The following USH2A variants were observed in gnomAD, a reference collection of about 807,000 sequenced individuals.
The protein encoded by USH2A is Usher syndrome 2A (autosomal recessive, mild).
Under a neutral mutation model 538.9 loss-of-function variants are expected in USH2A, and 443 were observed. The observed-to-expected ratio is 0.82, with a 90% CI of 0.76 to 0.89. The LOEUF is 0.89. Among genes scored for constraint, USH2A ranks in the 40% least tolerant of loss-of-function variants. USH2A has a pLI of 0.00. For synonymous variants in USH2A, 2,413 were observed against 2,273.5 expected (o/e 1.06, Z -1.75); for missense variants, 6,633 against 6,324.8 (o/e 1.05, Z -1.65).
intron 23 of USH2A, among the ~76,000 whole-genome samples, 158 bp downstream of exon 23, chr1:216,088,855 A>T (rs946675389): frequency 3.3e-5 from 5 of 152,188 alleles, no homozygotes; most frequent in Non-Finnish European, 7.4e-5. Flanking sequence ...GCCAGACTTC[A>T]TCCTTTTAGG....
chr1:215,648,055 T>G (rs943027788), intron 66 of USH2A, among the ~76,000 whole-genome samples: 4 of 152,224 alleles, frequency 2.6e-5, no homozygotes, highest in African/African-American at 9.6e-5. Flanking sequence ...TCTTCTCTTT[T>G]TAGAGTAAAT....
chr1:216,197,120 A>AC (rs1428234447), intron 18 of USH2A, among the ~76,000 whole-genome samples: 1 of 152,158 alleles, frequency 6.6e-6, no homozygotes, highest in Non-Finnish European at 1.5e-5. Flanking sequence ...CATGTAGGGA[A>AC]ATATGTCATT....
chr1:215,639,324 A>G, intron 68 of USH2A, 86 bp from the exon 69 acceptor site: 2 of 1,273,442 alleles, frequency 1.6e-6, no homozygotes, highest in Non-Finnish European at 2.3e-6. Flanking sequence ...AATGCATCAT[A>G]GCATGAAAAA....
intron 46 of USH2A, among the ~76,000 whole-genome samples, chr1:215,838,645 C>T (rs908906947): frequency 6.6e-6 from 1 of 152,152 alleles, no homozygotes; most frequent in Admixed American, 6.5e-5. Flanking sequence ...TTAATCACAG[C>T]AGAAAATCAT....
At position 215,996,560 on chromosome 1, in the gene USH2A, G is replaced by GTTTTTTTT. The variant is rs753233925; in HGVS notation, c.6657+2319_6657+2326dup. On this transcript the variant is annotated intron_variant, in intron 34 of 71. Coordinates refer to ENST00000307340, the MANE Select transcript of USH2A (RefSeq NM_206933.4). ...TTTGTTGAGAGTAGCAACATATTAT[G>GTTTTTTTT]TTTTTTTTTTTTTTTTTTTTTTTTT... 7.5e-4 allele frequency among the ~76,000 whole-genome samples: 39 copies of GTTTTTTTT among 51,718 alleles called. 10 individuals are homozygous for GTTTTTTTT. The highest frequency in any genetic ancestry group is 1.1e-3 in the African/African-American group (12 of 10,788). The allele number at this position is 51,718 out of a possible 152,430, so 33.9% of individuals were successfully genotyped here. A position where few individuals can be genotyped will look rare whatever the true frequency, so the allele number is the denominator to read the frequency against.
chr1:216,179,303 CT>C lies in USH2A; in HGVS notation c.4397-3822del, dbSNP rs765177486. 9.7e-4 allele frequency among the ~76,000 whole-genome samples: 146 copies of C among 151,182 alleles called. 1 individual carries two copies. Among genetic ancestry groups the C allele is most frequent in the African/African-American group, 3.1e-3 (128 of 41,310 alleles). ...AATAATTATTGAAAATTAGAGCACA[CT>C]TTTTTTTTAATTTGGCAAAGTGATT... is the stretch of plus-strand genomic sequence containing the variant. On this transcript the variant is annotated intron_variant, in intron 20 of 71. Coordinates refer to ENST00000307340, the MANE Select transcript of USH2A (RefSeq NM_206933.4).
chr1:216,093,209 C>T (rs1269263360), intron 22 of USH2A, among the ~76,000 whole-genome samples: 5 of 151,930 alleles, frequency 3.3e-5, no homozygotes, highest in Non-Finnish European at 5.9e-5. Context: ...GTGATCCACC[C>T]GCCTCAGCCT....
At chr1:216,279,058 C>T (rs1189616802) in intron 11 of USH2A, among the ~76,000 whole-genome samples, 1 of 152,126 alleles carries the variant, frequency 6.6e-6, no homozygotes, top group Non-Finnish European at 1.5e-5. Flanking sequence ...ATTTCAACCT[C>T]AGTTTCCTTT....
intron 35 of USH2A, among the ~76,000 whole-genome samples, chr1:215,986,501 T>C (rs1164424562): frequency 6.6e-6 from 1 of 152,000 alleles, no homozygotes; most frequent in Non-Finnish European, 1.5e-5. Flanking sequence ...CTGACCACAG[T>C]AAAAACATAT....
chr1:216,356,497 C>T (rs2102697997), intron 4 of USH2A, among the ~76,000 whole-genome samples: 1 of 152,062 alleles, frequency 6.6e-6, no homozygotes, highest in African/African-American at 2.4e-5. Flanking sequence ...TTCTGAAGAA[C>T]ATTTTGGCAT....
At chr1:216,119,623 AT>A (rs537874627) in intron 21 of USH2A, among the ~76,000 whole-genome samples, 14 of 151,814 alleles carry the variant, frequency 9.2e-5, no homozygotes, top group African/African-American at 2.7e-4. Context: ...ATATAAATAT[AT>A]TTTTTTATTT....
chr1:215,840,889 A>G (rs1374080420), intron 46 of USH2A, among the ~76,000 whole-genome samples: 1 of 152,128 alleles, frequency 6.6e-6, no homozygotes, highest in Non-Finnish European at 1.5e-5. Context: ...CATGATTTCT[A>G]TTTCATAATT....
chr1:215,964,050 T>C (rs1667269267), intron 37 of USH2A, among the ~76,000 whole-genome samples: 1 of 152,140 alleles, frequency 6.6e-6, no homozygotes, highest in Non-Finnish European at 1.5e-5. Flanking sequence ...ACCGTTTTGA[T>C]GGTTTGAGAG....
At chr1:215,857,232 T>G (rs916016331) in intron 44 of USH2A, among the ~76,000 whole-genome samples, 1 of 152,252 alleles carries the variant, frequency 6.6e-6, no homozygotes, top group East Asian at 1.9e-4. Flanking sequence ...GATACAGCTA[T>G]AGCTTAGATT....
At chr1:216,204,321 C>T (rs1415842363) in intron 16 of USH2A, 2 of 152,106 alleles carry the variant, frequency 1.3e-5, no homozygotes, top group East Asian at 1.9e-4. Context: ...GTATGATTCT[C>T]GAAGCGCTAG....
intron 4 of USH2A, 112 bp from the exon 5 acceptor site, chr1:216,327,766 G>A: frequency 6.1e-6 from 8 of 1,310,914 alleles, no homozygotes; most frequent in Non-Finnish European, 8.7e-6. Flanking sequence ...AGATATTTAT[G>A]TCACTGCCCT....
rs1215548692 is a variant in USH2A at position 215,623,018 on chromosome 1, T to C, written c.*2763A>G. The C allele has an allele frequency of 6.6e-6, 1 of 152,154 alleles. No homozygotes were observed. The highest frequency in any genetic ancestry group is 1.5e-5 in the Non-Finnish European group (1 of 68,000). 9.4% of individuals were successfully genotyped at this position (152,154 alleles called of 1,614,324 possible). A position where few individuals can be genotyped will look rare whatever the true frequency, so the allele number is the denominator to read the frequency against. ...TTCCTTATTAATGAATTCTTCCACT[T>C]GGACTATGTTTTATTTACCGGTGTG... On this transcript the variant is annotated 3_prime_UTR_variant, in exon 72 of 72. Transcript: ENST00000307340.
chr1:216,282,547 GC>G (rs1255983099), intron 11 of USH2A, among the ~76,000 whole-genome samples: 2 of 152,004 alleles, frequency 1.3e-5, no homozygotes, highest in African/African-American at 4.8e-5. Context: ...AAATATGAGG[GC>G]TTATTTGTAA....
chr1:216,377,757 A>C (rs12402800), intron 3 of USH2A, among the ~76,000 whole-genome samples: 1 of 136,530 alleles, frequency 7.3e-6, no homozygotes, highest in Admixed American at 7.6e-5. Flanking sequence ...AAAAGAAAGA[A>C]AGAAAGAGAA....
Sources: allele counts gnomAD v4.1 joint callset (sites outside exome capture counted in the v4.1 genomes callset), GRCh38; gene constraint gnomAD v4.1.1; transcripts MANE v1.5; gene names NCBI Gene and HGNC (gene_info 2026-07-23, HGNC 2026-07-21).